Variants in TMTC3 observed in about 807,000 individuals in gnomAD.
TMTC3 encodes the protein transmembrane O-mannosyltransferase targeting cadherins 3.
In TMTC3, 52 loss-of-function variants were observed where a neutral mutation model predicts 92.2. That is an observed-to-expected ratio of 0.56 (90% CI 0.45 to 0.71). TMTC3 has a LOEUF of 0.71. Ranked by LOEUF, TMTC3 falls within the 30% of genes least tolerant of loss-of-function variation. The probability of loss-of-function intolerance (pLI) is 0.00; values close to 1 mark genes in which losing one functional copy is unlikely to be tolerated. For missense variants in TMTC3, 896 were observed against 1,057.1 expected (o/e 0.85, Z 2.11); for synonymous variants, 339 against 363.3 (o/e 0.93, Z 0.76).
intron 2 of TMTC3, 56 bp downstream of exon 2, chr12:88,148,560 T>C (rs2040903692): frequency 1.5e-6 from 2 of 1,290,968 alleles, no homozygotes; most frequent in South Asian, 1.5e-5. Flanking sequence ...AATATTCTGG[T>C]ATTTTATTAC....
At chr12:88,148,832 T>C (rs2040907581) in intron 2 of TMTC3, among the ~76,000 whole-genome samples, 1 of 152,064 alleles carries the variant, frequency 6.6e-6, no homozygotes, top group South Asian at 2.1e-4. Flanking sequence ...TACCAATCTG[T>C]CACCCAGACA....
In TMTC3 at chr12:88,195,630, G is replaced by A. The variant is rs746824337; in HGVS notation, c.2726G>A (p.Arg909His). ...TTAAAAAGACTAGAAGAGATTGAACGTATTTTAAATGGTGAATAACATTAA... is the reference window on the plus strand; with the variant it reads ...TTAAAAAGACTAGAAGAGATTGAACATATTTTAAATGGTGAATAACATTAA... ...AALKRLEEIE[R>H]ILNGE Residue 909 changes from arginine to histidine, a missense_variant, in exon 14 of 14, where the codon CGT becomes CAT. Arg to His is a conservative substitution (Grantham distance 29). Coordinates refer to ENST00000266712, the MANE Select transcript of TMTC3 (RefSeq NM_181783.4). 2.0e-5 allele frequency: 32 copies of A among 1,589,748 alleles called. No individual in the cohort carries two copies. Among genetic ancestry groups the A allele is most frequent in the African/African-American group, 5.5e-5 (4 of 73,012 alleles).
chr12:88,181,444 T>C (rs2041317206), intron 10 of TMTC3, among the ~76,000 whole-genome samples: 1 of 152,066 alleles, frequency 6.6e-6, no homozygotes, highest in Admixed American at 6.6e-5. Flanking sequence ...TGAAATTGTT[T>C]AGTTAAGTTT....
intron 4 of TMTC3, among the ~76,000 whole-genome samples, chr12:88,158,542 C>T (rs528588130): frequency 6.6e-6 from 1 of 151,588 alleles, no homozygotes; most frequent in African/African-American, 2.4e-5. Flanking sequence ...GCAATAGTTT[C>T]ATGGGTTTGG....
chr12:88,193,601 G>A (rs2041468220), intron 13 of TMTC3, among the ~76,000 whole-genome samples: 1 of 152,106 alleles, frequency 6.6e-6, no homozygotes, highest in Admixed American at 6.6e-5. Context: ...ATTTAGTAGA[G>A]TGAAAACCAA....
rs546995036 is a variant in TMTC3, at chr12:88,191,127, T to C, written c.1706+505T>C. On this transcript the variant is annotated intron_variant, in intron 12 of 13. Coordinates refer to ENST00000266712, the MANE Select transcript of TMTC3 (RefSeq NM_181783.4). ...TGTATGTGTTATCATTTGTATTACT[T>C]TTGAGGAAAAATGTGTTTTTAAACT... Among the ~76,000 whole-genome samples, 200 of 152,272 alleles carry C rather than the reference T, an allele frequency of 1.3e-3. 1 individual carries two copies. Among genetic ancestry groups the C allele is most frequent in the African/African-American group, 4.7e-3 (195 of 41,558 alleles).
chr12:88,192,698 T>C lies in TMTC3; in HGVS notation c.1801T>C (p.Tyr601His), dbSNP rs753095377. The C allele has an allele frequency of 1.2e-6, 2 of 1,613,524 alleles. No individual in the cohort carries two copies. Among genetic ancestry groups the C allele is most frequent in the South Asian group, 1.1e-5 (1 of 91,078 alleles). Reference protein sequence around the residue: ...ELDRNNADLWYNLAIVHIELK... With the variant: ...ELDRNNADLWHNLAIVHIELK... ...GGACAGAAATAATGCAGATCTTTGG[T>C]ACAACTTGGCAATTGTACATATTGA... The change falls in exon 13 of 14, where the codon TAC becomes CAC. Residue 601 changes from tyrosine (Y) to histidine (H), a missense_variant. Transcript: ENST00000266712.
intron 1 of TMTC3, among the ~76,000 whole-genome samples, chr12:88,145,169 G>A (rs907185475): frequency 9.9e-5 from 15 of 152,154 alleles, no homozygotes; most frequent in African/African-American, 3.6e-4. Flanking sequence ...TTACTTCTCC[G>A]ATCTCTAAAA....
chr12:88,195,544 A>C lies in TMTC3; in HGVS notation c.2640A>C (p.Glu880Asp), dbSNP rs1451357732. 8 of 1,613,246 alleles carry C rather than the reference A, an allele frequency of 5.0e-6. No homozygotes were observed. The South Asian group carries it at 6.6e-5, about 13-fold the overall frequency. Residue 880 changes from glutamate (E) to aspartate (D), a missense_variant, in exon 14 of 14, where the codon GAA (glutamate) becomes GAC (aspartate). Coordinates refer to ENST00000266712, the MANE Select transcript of TMTC3 (RefSeq NM_181783.4). ...AACAATTAGGAAAAAATGGAGACGA[A>C]GAGACACCCCACAAAACAACAAAAG... ...SNKQLGKNGD[E>D]ETPHKTTKDI...
Position 88,195,111 on chromosome 12 carries a change from T to A in TMTC3, c.2207T>A (p.Ile736Asn). Residue 736 changes from isoleucine (I) to asparagine (N), a missense_variant, in exon 14 of 14, where the codon ATC (isoleucine) becomes AAC (asparagine). Transcript: ENST00000266712. Reference sequence around the variant, plus strand: ...TTACTCAGATACTACCCTGATCATATCAAGGGCCTCATTTTAAAAGGAGAC... The same window carrying A: ...TTACTCAGATACTACCCTGATCATAACAAGGGCCTCATTTTAAAAGGAGAC... ...EELLRYYPDH[I>N]KGLILKGDIL... 1 of 1,613,808 alleles carries A rather than the reference T, an allele frequency of 6.2e-7. No homozygotes were observed. Among genetic ancestry groups the A allele is most frequent in the South Asian group, 1.1e-5 (1 of 91,074 alleles).
At chr12:88,194,379 A>G (rs574485465) in intron 13 of TMTC3, among the ~76,000 whole-genome samples, 1 of 152,302 alleles carries the variant, frequency 6.6e-6, no homozygotes, top group East Asian at 1.9e-4. Flanking sequence ...AATAGTTACT[A>G]TTTGCTGAAC....
chr12:88,158,864 C>A (rs1010673573), intron 4 of TMTC3, among the ~76,000 whole-genome samples: 2 of 151,790 alleles, frequency 1.3e-5, no homozygotes, highest in Non-Finnish European at 2.9e-5. Context: ...CCAGCCTGAC[C>A]AACATGGAGA....
chr12:88,146,671 G>T (rs1045993106), intron 1 of TMTC3, among the ~76,000 whole-genome samples: 24 of 149,436 alleles, frequency 1.6e-4, no homozygotes, highest in African/African-American at 5.6e-4. Context: ...TTGAAGAATT[G>T]AATTATTTTG....
Position 88,197,861 on chromosome 12 carries a change from T to TTAAG in TMTC3, c.*2214_*2217dup, listed in dbSNP as rs1462249925. On this transcript the variant is annotated 3_prime_UTR_variant, in exon 14 of 14. Coordinates refer to ENST00000266712, the MANE Select transcript of TMTC3 (RefSeq NM_181783.4). ...TAATATGGAATCCACCTCATAACAATTAAGTCTAAATTTCTGGAAGATGGA... is the reference window on the plus strand; with the variant it reads ...TAATATGGAATCCACCTCATAACAATTAAGTAAGTCTAAATTTCTGGAAGATGGA... The TTAAG allele has an allele frequency of 5.3e-5, 8 of 152,374 alleles. No homozygotes were observed. Among genetic ancestry groups the TTAAG allele is most frequent in the African/African-American group, 1.9e-4 (8 of 41,424 alleles). The allele number at this position is 152,374 out of a possible 1,614,324, so 9.4% of individuals were successfully genotyped here. A position where few individuals can be genotyped will look rare whatever the true frequency, so the allele number is the denominator to read the frequency against.
At position 88,157,638 on chromosome 12, in the gene TMTC3, G is replaced by A. The variant is rs559795239; in HGVS notation, c.509-2476G>A. ...CTCTTCCCTATACCCTTGAAATGTA[G>A]TAGATACTTAAAATAACTGTTTGAA... On this transcript the variant is annotated intron_variant, in intron 4 of 13. Coordinates refer to ENST00000266712, the MANE Select transcript of TMTC3 (RefSeq NM_181783.4). 4.6e-5 allele frequency among the ~76,000 whole-genome samples: 7 copies of A among 152,024 alleles called. No individual in the cohort carries two copies. The South Asian group carries it at 1.0e-3, about 23-fold the overall frequency.
intron 6 of TMTC3, among the ~76,000 whole-genome samples, chr12:88,162,409 T>C (rs1012005143): frequency 6.6e-6 from 1 of 152,170 alleles, no homozygotes; most frequent in South Asian, 2.1e-4. Flanking sequence ...CTTTTCTTTT[T>C]CCTATTTTTC....
chr12:88,148,013 A>G (rs1197446409), intron 1 of TMTC3, among the ~76,000 whole-genome samples: 1 of 151,844 alleles, frequency 6.6e-6, no homozygotes, highest in Non-Finnish European at 1.5e-5. Context: ...CACAGAGGAA[A>G]CCTCCAGTCT....
intron 9 of TMTC3, among the ~76,000 whole-genome samples, chr12:88,175,693 C>T (rs1486079003): frequency 6.6e-6 from 1 of 152,162 alleles, no homozygotes; most frequent in East Asian, 1.9e-4. Flanking sequence ...ATAGCCACAA[C>T]GACTGCAATT....
In TMTC3 at chr12:88,198,808, T is replaced by A. The variant is rs1265260129; in HGVS notation, c.*3159T>A. On this transcript the variant is annotated 3_prime_UTR_variant, in exon 14 of 14. Coordinates refer to ENST00000266712, the MANE Select transcript of TMTC3 (RefSeq NM_181783.4). ...AAATCCATATATTTGTCATATTTAT[T>A]TTTTTAGAAACCTCCTAATTGGATA... 6.3e-6 allele frequency: 1 copy of A among 157,948 alleles called. No individual in the cohort carries two copies. The highest frequency in any genetic ancestry group is 1.4e-5 in the Non-Finnish European group (1 of 72,112). 9.8% of individuals were successfully genotyped at this position (157,948 alleles called of 1,614,324 possible). A position where few individuals can be genotyped will look rare whatever the true frequency, so the allele number is the denominator to read the frequency against.
Sources: gnomAD v4.1 joint callset for allele counts (sites outside exome capture counted in the v4.1 genomes callset) on GRCh38, gnomAD v4.1.1 for gene constraint, MANE v1.5 for transcripts, NCBI Gene and HGNC (gene_info 2026-07-23, HGNC 2026-07-21) for gene names.